The following GALNTL6 variants were observed in gnomAD, a reference collection of about 807,000 sequenced individuals.
GALNTL6 encodes the protein polypeptide N-acetylgalactosaminyltransferase like 6.
In GALNTL6, 46 loss-of-function variants were observed where a neutral mutation model predicts 73.7. The observed-to-expected ratio is 0.62, with a 90% CI of 0.49 to 0.80. GALNTL6 has a LOEUF of 0.80. GALNTL6 is among the 30% of genes least tolerant of loss of function. The pLI is 0.00. For missense variants in GALNTL6, 604 were observed against 755.0 expected, an observed-to-expected ratio of 0.80 and a Z score of 2.34; for synonymous variants, 259 against 263.7, an observed-to-expected ratio of 0.98 and a Z score of 0.17.
At chr4:172,073,977 ACTT>A (rs1194653639) in intron 2 of GALNTL6, among the ~76,000 whole-genome samples, 3 of 152,182 alleles carry the variant, frequency 2.0e-5, no homozygotes, top group African/African-American at 4.8e-5. Flanking sequence ...TCAAGTTACT[ACTT>A]CTTCAGTAAG....
At chr4:172,409,265 T>C (rs1412140863) in intron 5 of GALNTL6, among the ~76,000 whole-genome samples, 1 of 152,074 alleles carries the variant, frequency 6.6e-6, no homozygotes, top group Non-Finnish European at 1.5e-5. Context: ...CCAGCAGTTA[T>C]TATTGATGCT....
At chr4:172,491,829 A>C (rs1476034466) in intron 5 of GALNTL6, among the ~76,000 whole-genome samples, 1 of 152,230 alleles carries the variant, frequency 6.6e-6, no homozygotes, top group African/African-American at 2.4e-5. Context: ...AAGTGATTAC[A>C]GAGGCAATAT....
chr4:172,895,391 T>C lies in GALNTL6; in HGVS notation c.1041+12484T>C, dbSNP rs186400119. The stretch of plus-strand genomic sequence containing the variant: ...TCATTTTTAGTGTTTTTGTTATATA[T>C]ATATATATATATTTTTTTTTTGCTT... On this transcript the variant is annotated intron_variant, in intron 8 of 12. Transcript: ENST00000506823. Among the ~76,000 whole-genome samples the C allele has an allele frequency of 1.5e-4, 22 of 147,882 alleles. No homozygotes were observed. In the East Asian group the frequency reaches 3.9e-3, roughly 26 times the overall value.
chr4:172,211,018 C>G (rs1736305982), intron 2 of GALNTL6, among the ~76,000 whole-genome samples: 1 of 152,162 alleles, frequency 6.6e-6, no homozygotes, highest in African/African-American at 2.4e-5. Flanking sequence ...AAAGCTCTTT[C>G]AGTTGGCTCT....
intron 2 of GALNTL6, among the ~76,000 whole-genome samples, chr4:172,011,562 AT>A (rs1251590372): frequency 1.3e-5 from 2 of 152,016 alleles, no homozygotes; most frequent in African/African-American, 4.8e-5. Flanking sequence ...ATGGACAGAG[AT>A]TTTTTTAGGG....
intron 3 of GALNTL6, among the ~76,000 whole-genome samples, chr4:172,309,447 G>T (rs1037808145): frequency 6.6e-6 from 1 of 151,814 alleles, no homozygotes; most frequent in Non-Finnish European, 1.5e-5. Context: ...AATGAATAAA[G>T]ACCTTGTTTT....
At chr4:173,035,972 T>G (rs1200404985) in intron 12 of GALNTL6, among the ~76,000 whole-genome samples, 1 of 152,236 alleles carries the variant, frequency 6.6e-6, no homozygotes, top group Non-Finnish European at 1.5e-5. Context: ...AGTTATTTAC[T>G]TATAGGCAGG....
chr4:172,690,849 G>A (rs948906337), intron 5 of GALNTL6, among the ~76,000 whole-genome samples: 24 of 152,132 alleles, frequency 1.6e-4, no homozygotes, highest in African/African-American at 5.8e-4. Context: ...AATCATTGAT[G>A]TTTATTATAT....
At chr4:172,212,720 T>C (rs1361307650) in intron 2 of GALNTL6, among the ~76,000 whole-genome samples, 1 of 152,012 alleles carries the variant, frequency 6.6e-6, no homozygotes, top group Non-Finnish European at 1.5e-5. Flanking sequence ...CAGGCTAGAG[T>C]GCAATGGCAC....
intron 2 of GALNTL6, among the ~76,000 whole-genome samples, chr4:171,933,737 A>T (rs1190869500): frequency 6.6e-6 from 1 of 152,092 alleles, no homozygotes; most frequent in Non-Finnish European, 1.5e-5. Flanking sequence ...TTGTTATAAT[A>T]TTGGTTCAGG....
chr4:172,754,932 T>C (rs1170056133), intron 5 of GALNTL6, among the ~76,000 whole-genome samples: 1 of 152,002 alleles, frequency 6.6e-6, no homozygotes, highest in Non-Finnish European at 1.5e-5. Flanking sequence ...AGATCTTTTG[T>C]GGTTCCTAAG....
chr4:171,994,744 G>A (rs1388692866), intron 2 of GALNTL6, among the ~76,000 whole-genome samples: 1 of 151,752 alleles, frequency 6.6e-6, no homozygotes. Context: ...AAAGAACCAG[G>A]AATATCTAAG....
At chr4:172,010,011 T>C (rs2110777031) in intron 2 of GALNTL6, among the ~76,000 whole-genome samples, 1 of 152,248 alleles carries the variant, frequency 6.6e-6, no homozygotes, top group Middle Eastern at 3.4e-3. Flanking sequence ...AGGGAGACAA[T>C]ACAGTTTTTC....
intron 2 of GALNTL6, among the ~76,000 whole-genome samples, chr4:171,835,786 T>A (rs1276809675): frequency 3.9e-5 from 6 of 152,046 alleles, no homozygotes; most frequent in African/African-American, 1.4e-4. Context: ...AAGTACATTT[T>A]ATGACATATC....
intron 2 of GALNTL6, among the ~76,000 whole-genome samples, chr4:172,015,926 T>A (rs1741179677): frequency 2.1e-5 from 1 of 47,866 alleles, no homozygotes; most frequent in South Asian, 8.4e-4. Flanking sequence ...TAATAGGATT[T>A]TTTTTTTTTT....
At position 172,588,238 on chromosome 4, in the gene GALNTL6, C is replaced by T. The variant is rs550460157; in HGVS notation, c.554-221123C>T. On this transcript the variant is annotated intron_variant, in intron 5 of 12. Coordinates refer to ENST00000506823, the MANE Select transcript of GALNTL6 (RefSeq NM_001034845.3). ...TTTTACCATGGGTCTTAAATTATAG[C>T]ACACTTTTACAATTATTTTATTTTT... Among the ~76,000 whole-genome samples the T allele has an allele frequency of 5.1e-4, 77 of 152,170 alleles. 1 individual carries two copies. The South Asian group carries it at 0.016, about 31-fold the overall frequency.
chr4:172,310,612 GAAAA>G (rs1389405620), intron 3 of GALNTL6, among the ~76,000 whole-genome samples: 2 of 151,522 alleles, frequency 1.3e-5, no homozygotes, highest in African/African-American at 4.8e-5. Flanking sequence ...CATTTGCTTT[GAAAA>G]AAATAAAAAT....
At chr4:172,581,339 C>G (rs925293433) in intron 5 of GALNTL6, among the ~76,000 whole-genome samples, 2 of 152,158 alleles carry the variant, frequency 1.3e-5, no homozygotes, top group Non-Finnish European at 2.9e-5. Flanking sequence ...TCCTGTGAAC[C>G]TGAATCCTTG....
chr4:172,394,621 G>A (rs1743786795), intron 5 of GALNTL6, among the ~76,000 whole-genome samples: 1 of 151,728 alleles, frequency 6.6e-6, no homozygotes. Flanking sequence ...TAGTAGAGAT[G>A]GGGTTTCACA....
Sources: gnomAD v4.1 joint callset for allele counts (sites outside exome capture counted in the v4.1 genomes callset) on GRCh38, gnomAD v4.1.1 for gene constraint, MANE v1.5 for transcripts, NCBI Gene and HGNC (gene_info 2026-07-23, HGNC 2026-07-21) for gene names.